CHD9: variants seen among roughly 807,000 people sequenced by gnomAD.
CHD9 encodes ATP-dependent chromatin remodeler CHD9.
A neutral mutation model predicts 316.1 loss-of-function variants in CHD9; 77 were observed. That is an observed-to-expected ratio of 0.24 (90% CI 0.20 to 0.29). CHD9 has a LOEUF of 0.29. Ranked by LOEUF, CHD9 falls within the 10% of genes least tolerant of loss-of-function variation. The pLI, the probability that CHD9 is intolerant of heterozygous loss-of-function variation, is 1.00. For missense variants in CHD9, 2,763 were observed against 3,438.1 expected (o/e 0.80, Z 4.91); for synonymous variants, 1,129 against 1,158.3 (o/e 0.97, Z 0.51).
chr16:53,075,033 G>A (rs2152522707), intron 1 of CHD9, among the ~76,000 whole-genome samples: 1 of 152,292 alleles, frequency 6.6e-6, no homozygotes, highest in South Asian at 2.1e-4. Context: ...AAGCCAGAGG[G>A]GCAGAGCTGC....
At chr16:53,236,556 A>G (rs970217733) in intron 11 of CHD9, among the ~76,000 whole-genome samples, 1 of 151,456 alleles carries the variant, frequency 6.6e-6, no homozygotes, top group Non-Finnish European at 1.5e-5. Context: ...TTTAAAATAA[A>G]CCTTCTCTTG....
intron 24 of CHD9, among the ~76,000 whole-genome samples, chr16:53,276,115 T>C (rs2052787083): frequency 6.6e-6 from 1 of 152,140 alleles, no homozygotes; most frequent in Non-Finnish European, 1.5e-5. Flanking sequence ...GCCCCCTCTT[T>C]CCTCATTATT....
chr16:53,244,511 A>C (rs1001247378), intron 13 of CHD9, among the ~76,000 whole-genome samples: 1 of 151,926 alleles, frequency 6.6e-6, no homozygotes, highest in African/African-American at 2.4e-5. Context: ...TTTCAATTAG[A>C]CCTTTACGTT....
At chr16:53,286,519 C>A (rs374914180) in intron 26 of CHD9, among the ~76,000 whole-genome samples, 176 bp downstream of exon 26, 1 of 152,228 alleles carries the variant, frequency 6.6e-6, no homozygotes, top group African/African-American at 2.4e-5. Context: ...AGAATGTGAT[C>A]GAGGAAGAGG....
At chr16:53,263,227 A>G in intron 20 of CHD9, 130 bp downstream of exon 20, 1 of 603,416 alleles carries the variant, frequency 1.7e-6, no homozygotes, top group Non-Finnish European at 2.8e-6. Context: ...GAAGTAGGGT[A>G]GCAGAATGAA....
At chr16:53,103,055 C>T (rs1199945864) in intron 1 of CHD9, among the ~76,000 whole-genome samples, 1 of 151,662 alleles carries the variant, frequency 6.6e-6, no homozygotes, top group Non-Finnish European at 1.5e-5. Flanking sequence ...CCATGTTAGC[C>T]AGGATGGTCT....
chr16:53,295,411 G>A (rs1185535838), intron 29 of CHD9, among the ~76,000 whole-genome samples: 1 of 152,230 alleles, frequency 6.6e-6, no homozygotes, highest in African/African-American at 2.4e-5. Context: ...ACAGGCATGA[G>A]CCACTGCACT....
rs141954194 is a variant in CHD9, at chr16:53,118,680, G to A, written c.-164-37246G>A. 5.6e-3 allele frequency among the ~76,000 whole-genome samples: 852 copies of A among 151,642 alleles called. 6 individuals carry two copies. Among genetic ancestry groups the A allele is most frequent in the African/African-American group, 0.02 (818 of 41,330 alleles). The stretch of plus-strand genomic sequence containing the variant: ...CAACTATAATTAATACGCATCCTCA[G>A]CCAAAATGTCCAAGAATTCCAAAAA... On this transcript the variant is annotated intron_variant, in intron 1 of 38. Coordinates refer to ENST00000447540, the MANE Select transcript of CHD9 (RefSeq NM_001308319.2).
intron 1 of CHD9, among the ~76,000 whole-genome samples, chr16:53,131,601 G>A (rs1342637232): frequency 6.6e-6 from 1 of 151,568 alleles, no homozygotes; most frequent in Non-Finnish European, 1.5e-5. Context: ...GTGAGGGCCG[G>A]GCGGCCAGGG....
intron 36 of CHD9, among the ~76,000 whole-genome samples, chr16:53,317,163 C>CAAA (rs537619212): frequency 0.072 from 5,885 of 81,470 alleles, 289 homozygotes; most frequent in African/African-American, 0.15. Context: ...AACTCCATCT[C>CAAA]AAAAAAAAAA....
At chr16:53,323,621 T>A (rs752911792) in intron 38 of CHD9, among the ~76,000 whole-genome samples, 33 of 152,226 alleles carry the variant, frequency 2.2e-4, no homozygotes, top group Admixed American at 1.8e-3. Flanking sequence ...TTAATATTCC[T>A]TCTTTATTGT....
chr16:53,130,764 G>T (rs1439236931), intron 1 of CHD9, among the ~76,000 whole-genome samples: 1 of 151,894 alleles, frequency 6.6e-6, no homozygotes, highest in Non-Finnish European at 1.5e-5. Context: ...GAAGGGGAGC[G>T]GCGAAGGGGA....
chr16:53,242,703 AT>A, intron 12 of CHD9, 136 bp from the exon 13 acceptor site: 1 of 686,310 alleles, frequency 1.5e-6, no homozygotes, highest in East Asian at 2.6e-5. Flanking sequence ...AAAAGTTTTC[AT>A]TGTAAGGGAG....
intron 19 of CHD9, among the ~76,000 whole-genome samples, chr16:53,260,605 A>G (rs1159022660): frequency 1.3e-5 from 2 of 152,242 alleles, no homozygotes; most frequent in African/African-American, 4.8e-5. Flanking sequence ...TTAAGACAAC[A>G]CAAACTTTTT....
intron 1 of CHD9, among the ~76,000 whole-genome samples, chr16:53,141,573 T>C (rs893691226): frequency 2.6e-5 from 4 of 152,210 alleles, no homozygotes; most frequent in Admixed American, 2.0e-4. Context: ...TTTAGAATAA[T>C]GTAAGGATTG....
At chr16:53,226,760 A>G (rs541666049) in intron 5 of CHD9, among the ~76,000 whole-genome samples, 1 of 152,304 alleles carries the variant, frequency 6.6e-6, no homozygotes, top group South Asian at 2.1e-4. Context: ...TCTTCAAACT[A>G]TCTTTTCTGC....
At chr16:53,218,374 T>C (rs919586422) in intron 3 of CHD9, among the ~76,000 whole-genome samples, 1 of 152,178 alleles carries the variant, frequency 6.6e-6, no homozygotes, top group African/African-American at 2.4e-5. Context: ...TGAGGTGTGA[T>C]GGGAAACATT....
chr16:53,243,588 C>T (rs1352456186), intron 13 of CHD9, among the ~76,000 whole-genome samples: 3 of 152,214 alleles, frequency 2.0e-5, no homozygotes, highest in African/African-American at 7.2e-5. Context: ...GCTGGGATTA[C>T]AGGCGTGAGC....
chr16:53,313,884 C>T (rs1305031086), intron 34 of CHD9, among the ~76,000 whole-genome samples: 1 of 150,358 alleles, frequency 6.7e-6, no homozygotes, highest in Non-Finnish European at 1.5e-5. Context: ...ACCCAGGGGG[C>T]GGAGCTTGCA....
Sources: allele counts gnomAD v4.1 joint callset (sites outside exome capture counted in the v4.1 genomes callset), GRCh38; gene constraint gnomAD v4.1.1; transcripts MANE v1.5; gene names NCBI Gene and HGNC (gene_info 2026-07-23, HGNC 2026-07-21).